The following MMAA variants were observed in gnomAD, a reference collection of about 807,000 sequenced individuals.
MMAA encodes methylmalonic aciduria type A protein, mitochondrial.
In MMAA, 41 loss-of-function variants were observed where a neutral mutation model predicts 45.0. The ratio of observed to expected loss-of-function variants is 0.91; its 90% confidence interval spans 0.71 to 1.18. The LOEUF is 1.18. MMAA is among the 50% of genes most tolerant of loss of function. The probability of loss-of-function intolerance (pLI) is 0.00; values close to 1 mark genes in which losing one functional copy is unlikely to be tolerated. For missense variants in MMAA, 460 were observed against 495.7 expected, an observed-to-expected ratio of 0.93 and a Z score of 0.68; for synonymous variants, 154 against 178.2, an observed-to-expected ratio of 0.86 and a Z score of 1.08.
intron 1 of MMAA, chr4:145,625,328 C>G (rs2126607615): frequency 2.8e-6 from 2 of 711,606 alleles, no homozygotes; most frequent in Admixed American, 3.5e-5. Flanking sequence ...AGAAGTCTGT[C>G]TATTCTCCAA....
At chr4:145,624,769 A>T (rs1366273925) in intron 1 of MMAA, 1 of 1,599,562 alleles carries the variant, frequency 6.3e-7, no homozygotes, top group African/African-American at 1.3e-5. Flanking sequence ...TTCTCATCAT[A>T]CACGCACTCT....
chr4:145,654,582 A>G (rs901512946), intron 6 of MMAA, among the ~76,000 whole-genome samples: 1 of 152,226 alleles, frequency 6.6e-6, no homozygotes, highest in African/African-American at 2.4e-5. Context: ...GACAGACACT[A>G]TGTTATTAAA....
At chr4:145,651,037 A>G (rs1444411539) in intron 4 of MMAA, 25 bp from the exon 5 acceptor site, 55 of 1,598,546 alleles carry the variant, frequency 3.4e-5, no homozygotes, top group Non-Finnish European at 4.5e-5. Flanking sequence ...GTATTTTAGG[A>G]TATAGTTGTG....
intron 5 of MMAA, among the ~76,000 whole-genome samples, chr4:145,652,271 A>G (rs1269714082): frequency 1.3e-5 from 2 of 152,146 alleles, no homozygotes; most frequent in Non-Finnish European, 2.9e-5. Flanking sequence ...TTGGGGTTTC[A>G]TTATGTAGGC....
At chr4:145,640,530 T>A (rs1038421962) in intron 2 of MMAA, among the ~76,000 whole-genome samples, 1 of 151,982 alleles carries the variant, frequency 6.6e-6, no homozygotes, top group African/African-American at 2.4e-5. Context: ...TTTTTAGAAG[T>A]TTTTTGTAGA....
chr4:145,625,805 G>A, intron 1 of MMAA: 1 of 1,148,144 alleles, frequency 8.7e-7, no homozygotes, highest in Non-Finnish European at 1.3e-6. Context: ...TAAGCTGATA[G>A]ATGAGGTCCA....
intron 1 of MMAA, among the ~76,000 whole-genome samples, chr4:145,632,006 AT>A (rs1353874106): frequency 6.6e-6 from 1 of 152,076 alleles, no homozygotes; most frequent in African/African-American, 2.4e-5. Context: ...TATTGTAGTT[AT>A]TTTTGATTGG....
chr4:145,635,246 A>G (rs988000304), intron 1 of MMAA, among the ~76,000 whole-genome samples: 1 of 152,138 alleles, frequency 6.6e-6, no homozygotes, highest in Non-Finnish European at 1.5e-5. Flanking sequence ...AGGAAACTCA[A>G]GTTTCAAGCT....
At chr4:145,619,892 A>G (rs1163690041) in intron 1 of MMAA, among the ~76,000 whole-genome samples, 3 of 152,216 alleles carry the variant, frequency 2.0e-5, no homozygotes, top group Non-Finnish European at 4.4e-5. Context: ...AGTTACAAAC[A>G]GTATCTAGGT....
intron 1 of MMAA, among the ~76,000 whole-genome samples, chr4:145,636,400 T>C (rs1727609697): frequency 6.6e-6 from 1 of 152,160 alleles, no homozygotes; most frequent in African/African-American, 2.4e-5. Flanking sequence ...GCTTCTAGAG[T>C]TATCTCTTCA....
intron 5 of MMAA, among the ~76,000 whole-genome samples, chr4:145,651,372 T>A (rs888387475): frequency 2.0e-5 from 3 of 152,184 alleles, no homozygotes; most frequent in African/African-American, 7.2e-5. Flanking sequence ...CAACATTAAT[T>A]TTTCCATCTG....
At chr4:145,639,044 G>A (rs556440764) in intron 1 of MMAA, 31 bp from the exon 2 acceptor site, 64 of 1,140,928 alleles carry the variant, frequency 5.6e-5, no homozygotes, top group Non-Finnish European at 7.1e-5. Flanking sequence ...GTTATATATC[G>A]AACTGGCTAA....
chr4:145,624,898 C>T, intron 1 of MMAA: 1 of 1,577,788 alleles, frequency 6.3e-7, no homozygotes. Flanking sequence ...GGTTTCTTGG[C>T]CCCCAAGTGG....
At chr4:145,648,493 C>G (rs750762257) in intron 4 of MMAA, among the ~76,000 whole-genome samples, 4 of 152,068 alleles carry the variant, frequency 2.6e-5, no homozygotes, top group Non-Finnish European at 5.9e-5. Flanking sequence ...CAGTTTATAA[C>G]AATAGCCATG....
At chr4:145,625,200 T>C (rs1415180834) in intron 1 of MMAA, 1 of 1,421,430 alleles carries the variant, frequency 7.0e-7, no homozygotes, top group Non-Finnish European at 9.9e-7. Context: ...GTGGAATGGC[T>C]GTTACACTTT....
At chr4:145,629,595 A>G (rs1403631596) in intron 1 of MMAA, among the ~76,000 whole-genome samples, 1 of 152,152 alleles carries the variant, frequency 6.6e-6, no homozygotes, top group East Asian at 1.9e-4. Context: ...CTAGCCTTGT[A>G]TTAGTTCATT....
At chr4:145,649,814 C>T (rs1039822418) in intron 4 of MMAA, among the ~76,000 whole-genome samples, 2 of 151,812 alleles carry the variant, frequency 1.3e-5, no homozygotes, top group Non-Finnish European at 2.9e-5. Context: ...CCATGTTGCC[C>T]AGGTGGGAGC....
At chr4:145,648,572 G>A (rs560597128) in intron 4 of MMAA, among the ~76,000 whole-genome samples, 12 of 152,318 alleles carry the variant, frequency 7.9e-5, no homozygotes, top group African/African-American at 2.6e-4. Context: ...GTAGTAGTAG[G>A]AGAATCAAAG....
In MMAA at chr4:145,646,125, G is replaced by A. The variant is rs781525637; in HGVS notation, c.702G>A (p.Ala234=). The change falls in exon 4 of 7, where the codon GCG becomes GCA. Residue 234 remains alanine, a synonymous_variant. Transcript: ENST00000649156. The part of the protein sequence containing the change: ...TNEAILLCEG[A]GYDIILIETV... ...AAGCTATTCTGTTGTGTGAAGGAGC[G>A]GGATATGACATAATTCTTATTGAAA... The A allele has an allele frequency of 7.4e-6, 12 of 1,613,868 alleles. No individual in the cohort carries two copies. Among genetic ancestry groups the A allele is most frequent in the African/African-American group, 5.3e-5 (4 of 74,876 alleles).
Sources: gnomAD v4.1 joint callset for allele counts (sites outside exome capture counted in the v4.1 genomes callset) on GRCh38, gnomAD v4.1.1 for gene constraint, MANE v1.5 for transcripts, NCBI Gene and HGNC (gene_info 2026-07-23, HGNC 2026-07-21) for gene names.